The following BMPR2 variants were observed in gnomAD, a reference collection of about 807,000 sequenced individuals.
BMPR2 encodes the protein bone morphogenetic protein receptor type-2.
A neutral mutation model predicts 100.8 loss-of-function variants in BMPR2; 29 were observed. The observed-to-expected ratio is 0.29, with a 90% CI of 0.21 to 0.39. BMPR2 has a LOEUF of 0.39. Among genes scored for constraint, BMPR2 ranks in the 10% least tolerant of loss-of-function variants. The probability of loss-of-function intolerance (pLI) is 1.00; values close to 1 mark genes in which losing one functional copy is unlikely to be tolerated. For synonymous variants in BMPR2, 382 were observed against 442.3 expected, an observed-to-expected ratio of 0.86 and a Z score of 1.71; for missense variants, 1,011 against 1,274.5, an observed-to-expected ratio of 0.79 and a Z score of 3.15.
At chr2:202,427,234 T>C (rs768684798) in intron 1 of BMPR2, among the ~76,000 whole-genome samples, 1 of 151,782 alleles carries the variant, frequency 6.6e-6, no homozygotes, top group Non-Finnish European at 1.5e-5. Context: ...GATGTGTGCC[T>C]GGTACTTCCC....
chr2:202,470,621 G>A (rs1308284589), intron 3 of BMPR2, among the ~76,000 whole-genome samples: 2 of 151,698 alleles, frequency 1.3e-5, no homozygotes, highest in South Asian at 2.1e-4. Flanking sequence ...AAAATTAGCC[G>A]GGCGCGGTGG....
chr2:202,404,859 A>T (rs1383981700), intron 1 of BMPR2, among the ~76,000 whole-genome samples: 1 of 151,680 alleles, frequency 6.6e-6, no homozygotes, highest in Non-Finnish European at 1.5e-5. Context: ...TTAAGACAGG[A>T]TCTTGCTCTG....
At chr2:202,481,043 T>C (rs1423634626) in intron 3 of BMPR2, among the ~76,000 whole-genome samples, 1 of 151,760 alleles carries the variant, frequency 6.6e-6, no homozygotes, top group Non-Finnish European at 1.5e-5. Context: ...TTCATCAATA[T>C]GTCAAGGATC....
intron 1 of BMPR2, among the ~76,000 whole-genome samples, chr2:202,425,249 A>G (rs539264209): frequency 1.6e-4 from 25 of 152,234 alleles, no homozygotes; most frequent in African/African-American, 5.3e-4. Flanking sequence ...GACTACCCCT[A>G]TCTTCACCCC....
At chr2:202,418,040 A>C (rs1253940123) in intron 1 of BMPR2, among the ~76,000 whole-genome samples, 2 of 151,894 alleles carry the variant, frequency 1.3e-5, no homozygotes, top group African/African-American at 4.8e-5. Context: ...TTTTAGACCT[A>C]ATGCCATTGC....
intron 1 of BMPR2, among the ~76,000 whole-genome samples, chr2:202,445,061 T>G (rs1246593786): frequency 6.6e-6 from 1 of 150,540 alleles, no homozygotes; most frequent in Non-Finnish European, 1.5e-5. Context: ...GTGCTCGGAT[T>G]ACGGGTGTGA....
At position 202,539,741 on chromosome 2, in the gene BMPR2, AGT is replaced by A. The variant is rs1269111387; in HGVS notation, c.1277-2567_1277-2566del. ...GAGATAGAAAAAGGAAGAAAGAATAAGTGTAATTTGAGAAGGGAGCTAAAAAA... is the reference window on the plus strand; with the variant it reads ...GAGATAGAAAAAGGAAGAAAGAATAAGTAATTTGAGAAGGGAGCTAAAAAA... On this transcript the variant is annotated intron_variant, in intron 9 of 12. Coordinates refer to ENST00000374580, the MANE Select transcript of BMPR2 (RefSeq NM_001204.7). 3.9e-5 allele frequency among the ~76,000 whole-genome samples: 6 copies of A among 152,184 alleles called. No homozygotes were observed. The South Asian group carries it at 1.0e-3, about 26-fold the overall frequency.
chr2:202,544,488 A>G (rs1294678510), intron 10 of BMPR2, among the ~76,000 whole-genome samples: 1 of 152,120 alleles, frequency 6.6e-6, no homozygotes, highest in Non-Finnish European at 1.5e-5. Context: ...TACAATCTCC[A>G]TGTGCTCTAG....
chr2:202,559,988 T>C lies in BMPR2; in HGVS notation c.*42T>C. On this transcript the variant is annotated 3_prime_UTR_variant, in exon 13 of 13. Coordinates refer to ENST00000374580, the MANE Select transcript of BMPR2 (RefSeq NM_001204.7). ...TGGAGTGAAATTATTTTTTGCATCA[T>C]TTAAACATGCAGAAGATGTTTAAAA... is the stretch of plus-strand genomic sequence containing the variant. The C allele has an allele frequency of 2.5e-6, 4 of 1,612,308 alleles. No homozygotes were observed. In the East Asian group the frequency reaches 8.9e-5, roughly 36 times the overall value.
intron 3 of BMPR2, among the ~76,000 whole-genome samples, chr2:202,507,800 A>G (rs991713754): frequency 2.0e-5 from 3 of 151,392 alleles, no homozygotes; most frequent in Non-Finnish European, 4.4e-5. Flanking sequence ...CCCGGGTTCA[A>G]GCGATTCTCC....
chr2:202,448,815 C>T (rs565480743), intron 1 of BMPR2, among the ~76,000 whole-genome samples: 3 of 151,882 alleles, frequency 2.0e-5, no homozygotes, highest in South Asian at 2.1e-4. Flanking sequence ...GAGGTTTAAG[C>T]GTGGCTTATG....
chr2:202,551,375 A>AG (rs71035018), intron 10 of BMPR2, among the ~76,000 whole-genome samples: 1 of 151,126 alleles, frequency 6.6e-6, no homozygotes, highest in Non-Finnish European at 1.5e-5. Flanking sequence ...AAAAAAAAAA[A>AG]CAGCCGGGCG....
At chr2:202,438,517 A>G (rs539561872) in intron 1 of BMPR2, among the ~76,000 whole-genome samples, 53 of 150,170 alleles carry the variant, frequency 3.5e-4, no homozygotes, top group Middle Eastern at 3.4e-3. Flanking sequence ...TATCACAGCT[A>G]AGAAGCTATT....
chr2:202,539,593 A>C (rs1271912865), intron 9 of BMPR2, among the ~76,000 whole-genome samples: 3 of 151,238 alleles, frequency 2.0e-5, no homozygotes, highest in Admixed American at 1.3e-4. Context: ...AAATGGAAAC[A>C]CTATGTAATG....
rs1360892625 is a variant in BMPR2, at chr2:202,560,431, T to G, written c.*485T>G. The stretch of plus-strand genomic sequence containing the variant: ...GAACATATTATCTTGTTGGACATCT[T>G]TTCTCTTGTGTTTTGTTTGAATGTG... On this transcript the variant is annotated 3_prime_UTR_variant, in exon 13 of 13. Transcript: ENST00000374580. 1 of 170,488 alleles carries G rather than the reference T, an allele frequency of 5.9e-6. No homozygotes were observed. Among genetic ancestry groups the G allele is most frequent in the East Asian group, 1.6e-4 (1 of 6,196 alleles). 10.6% of individuals were successfully genotyped at this position (170,488 alleles called of 1,614,324 possible). A position where few individuals can be genotyped will look rare whatever the true frequency, so the allele number is the denominator to read the frequency against.
intron 1 of BMPR2, among the ~76,000 whole-genome samples, chr2:202,391,995 C>T (rs537865511): frequency 3.3e-5 from 5 of 151,890 alleles, no homozygotes; most frequent in Admixed American, 2.0e-4. Flanking sequence ...CTCTTGACCT[C>T]GTGATCTGCC....
In BMPR2 at chr2:202,563,911, T is replaced by C. The variant is rs1009352886; in HGVS notation, c.*3965T>C. The stretch of plus-strand genomic sequence containing the variant: ...GGATATAATGTCCTTTTTATAAAAG[T>C]TTAGTATAGCTTCTTTACATGTATC... On this transcript the variant is annotated 3_prime_UTR_variant, in exon 13 of 13. Transcript: ENST00000374580. 1 of 152,184 alleles carries C rather than the reference T, an allele frequency of 6.6e-6. No homozygotes were observed. Among genetic ancestry groups the C allele is most frequent in the Non-Finnish European group, 1.5e-5 (1 of 68,032 alleles). The allele number at this position is 152,184 out of a possible 1,614,324, so 9.4% of individuals were successfully genotyped here.
chr2:202,428,302 G>A (rs913054711), intron 1 of BMPR2, among the ~76,000 whole-genome samples: 2 of 151,982 alleles, frequency 1.3e-5, no homozygotes, highest in African/African-American at 4.8e-5. Flanking sequence ...CATACTGTCA[G>A]AGTCCCTATT....
In BMPR2 at chr2:202,560,272, G is replaced by A. The variant is rs1197993858; in HGVS notation, c.*326G>A. The A allele has an allele frequency of 9.3e-6, 3 of 321,156 alleles. No individual in the cohort carries two copies. Among genetic ancestry groups the A allele is most frequent in the Middle Eastern group, 2.1e-3 (2 of 956 alleles). The allele number at this position is 321,156 out of a possible 1,614,324, so 19.9% of individuals were successfully genotyped here. A position where few individuals can be genotyped will look rare whatever the true frequency, so the allele number is the denominator to read the frequency against. The stretch of plus-strand genomic sequence containing the variant: ...AGAAAAAAAGCAAAAACAATGTATT[G>A]CTGATAATCAGTTTGGACCAGTTTC... On this transcript the variant is annotated 3_prime_UTR_variant, in exon 13 of 13. Transcript: ENST00000374580.
Sources: allele counts gnomAD v4.1 joint callset (sites outside exome capture counted in the v4.1 genomes callset), GRCh38; gene constraint gnomAD v4.1.1; transcripts MANE v1.5; gene names NCBI Gene and HGNC (gene_info 2026-07-23, HGNC 2026-07-21).